Variants in ABCA5 observed in about 807,000 individuals in gnomAD.
ABCA5 encodes the protein cholesterol transporter ABCA5.
A neutral mutation model predicts 206.0 loss-of-function variants in ABCA5; 163 were observed. That is an observed-to-expected ratio of 0.79 (90% CI 0.70 to 0.90). The LOEUF is 0.90. Among genes scored for constraint, ABCA5 ranks in the 40% least tolerant of loss-of-function variants. The probability of loss-of-function intolerance (pLI) is 0.00; values close to 1 mark genes in which losing one functional copy is unlikely to be tolerated. For synonymous variants in ABCA5, 609 were observed against 613.8 expected, an observed-to-expected ratio of 0.99 and a Z score of 0.11; for missense variants, 1,859 against 1,912.9, an observed-to-expected ratio of 0.97 and a Z score of 0.53.
At chr17:69,299,471 T>TACACACACACAC (rs71144671) in intron 9 of ABCA5, among the ~76,000 whole-genome samples, 38,578 of 142,216 alleles carry the variant, frequency 0.27, 5,852 homozygotes, top group South Asian at 0.37. Context: ...CACACACACA[T>TACACACACACAC]ACACACACAC....
chr17:69,247,946 AAC>A (rs1327244968), intron 38 of ABCA5, among the ~76,000 whole-genome samples: 2 of 152,150 alleles, frequency 1.3e-5, no homozygotes, highest in Non-Finnish European at 2.9e-5. Context: ...AAATGAAAAA[AAC>A]AGATATTCAA....
chr17:69,252,004 T>C, intron 34 of ABCA5, 138 bp from the exon 35 acceptor site: 1 of 769,386 alleles, frequency 1.3e-6, no homozygotes, highest in Non-Finnish European at 2.0e-6. Context: ...TATTACATCC[T>C]GCCCAACTAT....
At chr17:69,264,029 T>C (rs1368990909) in intron 24 of ABCA5, among the ~76,000 whole-genome samples, 1 of 152,170 alleles carries the variant, frequency 6.6e-6, no homozygotes, top group African/African-American at 2.4e-5. Flanking sequence ...TGGGTACTTT[T>C]GGGGTTCCAT....
At chr17:69,306,034 C>T (rs187609705) in intron 6 of ABCA5, among the ~76,000 whole-genome samples, 1 of 152,220 alleles carries the variant, frequency 6.6e-6, no homozygotes, top group African/African-American at 2.4e-5. Context: ...TAACAGCTCA[C>T]ATGCACAGTA....
intron 1 of ABCA5, among the ~76,000 whole-genome samples, chr17:69,321,193 G>A (rs568689689): frequency 1.3e-5 from 2 of 151,830 alleles, no homozygotes; most frequent in African/African-American, 2.4e-5. Context: ...CTATATTGAC[G>A]AACACCCAAA....
chr17:69,253,894 A>T, intron 32 of ABCA5, 25 bp from the exon 33 acceptor site: 1 of 1,562,362 alleles, frequency 6.4e-7, no homozygotes, highest in Non-Finnish European at 8.8e-7. Context: ...ATACAAAATG[A>T]GAATACCATG....
At chr17:69,265,013 A>G (rs1157847542) in intron 23 of ABCA5, 108 bp from the exon 24 acceptor site, 3 of 727,782 alleles carry the variant, frequency 4.1e-6, no homozygotes, top group Non-Finnish European at 6.0e-6. Context: ...CAAAACCAAA[A>G]AGGTTACATT....
intron 18 of ABCA5, among the ~76,000 whole-genome samples, chr17:69,281,045 T>C (rs560847403): frequency 7.1e-6 from 1 of 141,322 alleles, no homozygotes; most frequent in African/African-American, 2.5e-5. Context: ...TAAAAAAAAA[T>C]AAAAATAAAT....
intron 10 of ABCA5, among the ~76,000 whole-genome samples, chr17:69,296,964 C>CA (rs1029402440): frequency 4.6e-5 from 7 of 151,992 alleles, no homozygotes; most frequent in South Asian, 2.1e-4. Flanking sequence ...GATTCTGTCT[C>CA]AAAAAACAGA....
chr17:69,279,986 G>A (rs571852053), intron 18 of ABCA5, among the ~76,000 whole-genome samples: 21 of 152,234 alleles, frequency 1.4e-4, no homozygotes, highest in South Asian at 1.2e-3. Context: ...AGGACTTCCT[G>A]TCTAAAACAC....
chr17:69,302,066 A>G (rs1738771368), intron 8 of ABCA5, among the ~76,000 whole-genome samples: 1 of 152,208 alleles, frequency 6.6e-6, no homozygotes, highest in African/African-American at 2.4e-5. Context: ...TATCTCATAA[A>G]TCAGAACTTC....
At chr17:69,261,297 T>C in intron 25 of ABCA5, 38 bp from the exon 26 acceptor site, 1 of 1,557,010 alleles carries the variant, frequency 6.4e-7, no homozygotes, top group Non-Finnish European at 8.7e-7. Context: ...TGACAAAGTG[T>C]TTAGAAACTT....
At chr17:69,282,036 C>T (rs2075399511) in intron 18 of ABCA5, among the ~76,000 whole-genome samples, 1 of 152,164 alleles carries the variant, frequency 6.6e-6, no homozygotes, top group Non-Finnish European at 1.5e-5. Flanking sequence ...CATGTTCTTA[C>T]CGTAAACTGA....
rs1173165063 is a variant in ABCA5 at position 69,255,733 on chromosome 17, C to CT, written c.3975dup (p.Gly1326ArgfsTer19). ...ATGTAAGGAAAAATTAAATACCAGC[C>CT]TTTTTTCACACAGAAAGAGATGTAT... On this transcript the variant is annotated frameshift_variant and splice_region_variant, in exon 30 of 39. Transcript: ENST00000392676. LOFTEE classifies it high-confidence loss of function. 1.3e-6 allele frequency: 2 copies of CT among 1,580,858 alleles called. No individual in the cohort carries two copies. Among genetic ancestry groups the CT allele is most frequent in the Non-Finnish European group, 1.7e-6 (2 of 1,170,796 alleles).
chr17:69,273,924 C>A, intron 20 of ABCA5, 35 bp downstream of exon 20: 1 of 1,567,764 alleles, frequency 6.4e-7, no homozygotes, highest in Non-Finnish European at 8.6e-7. Flanking sequence ...ATGCTCCATG[C>A]CAACACTCGT....
intron 23 of ABCA5, 77 bp downstream of exon 23, chr17:69,267,866 C>T (rs1184643704): frequency 5.7e-6 from 4 of 705,090 alleles, no homozygotes; most frequent in Admixed American, 2.5e-5. Flanking sequence ...TATACTAAGC[C>T]TTGCAATCAA....
At chr17:69,306,641 T>A (rs998919720) in intron 6 of ABCA5, 84 bp downstream of exon 6, 1 of 643,188 alleles carries the variant, frequency 1.6e-6, no homozygotes, top group Admixed American at 4.4e-5. Context: ...TCAAGTTAGG[T>A]AAATATCAAA....
At chr17:69,258,188 A>C (rs917037478) in intron 28 of ABCA5, among the ~76,000 whole-genome samples, 31 of 152,294 alleles carry the variant, frequency 2.0e-4, no homozygotes, top group African/African-American at 7.5e-4. Context: ...AAAGGAAAAA[A>C]AAAATCATTA....
chr17:69,290,106 A>G (rs1053451888), intron 12 of ABCA5, 69 bp from the exon 13 acceptor site: 5 of 1,128,136 alleles, frequency 4.4e-6, no homozygotes, highest in Non-Finnish European at 6.0e-6. Flanking sequence ...AAGTATCCTG[A>G]TAACTTAGTT....
Sources: allele counts gnomAD v4.1 joint callset (sites outside exome capture counted in the v4.1 genomes callset), GRCh38; gene constraint gnomAD v4.1.1; transcripts MANE v1.5; gene names NCBI Gene and HGNC (gene_info 2026-07-23, HGNC 2026-07-21).